The following SKAP1 variants were observed in gnomAD, a reference collection of about 807,000 sequenced individuals.
The protein encoded by SKAP1 is src kinase-associated phosphoprotein 1.
A neutral mutation model predicts 58.5 loss-of-function variants in SKAP1; 44 were observed. That is an observed-to-expected ratio of 0.75 (90% confidence interval 0.59 to 0.97). The LOEUF is 0.97. Among genes scored for constraint, SKAP1 ranks in the 50% least tolerant of loss-of-function variants. The pLI, the probability that SKAP1 is intolerant of heterozygous loss-of-function variation, is 0.00. For missense variants in SKAP1, 390 were observed against 435.2 expected, an observed-to-expected ratio of 0.90 and a Z score of 0.92; for synonymous variants, 127 against 149.7, an observed-to-expected ratio of 0.85 and a Z score of 1.11.
intron 8 of SKAP1, 38 bp from the exon 9 acceptor site, chr17:48,180,286 G>T: frequency 7.0e-7 from 1 of 1,428,590 alleles, no homozygotes; most frequent in East Asian, 2.6e-5. Flanking sequence ...AAGAAACAGA[G>T]AAAAAGAAAA....
chr17:48,207,238 G>T lies in SKAP1; in HGVS notation c.281-17738C>A, dbSNP rs535553833. Among the ~76,000 whole-genome samples, 13 of 152,026 alleles carry T rather than the reference G, an allele frequency of 8.6e-5. No individual in the cohort carries two copies. The East Asian group carries it at 2.3e-3, about 27-fold the overall frequency. ...GGTGACTCACGCCTGTAATCCCAGC[G>T]CTTTGGAGGCCGAGGCAGGCAGATC... On this transcript the variant is annotated intron_variant, in intron 4 of 12. Transcript: ENST00000336915.
At chr17:48,141,404 C>G (rs529825918) in intron 11 of SKAP1, among the ~76,000 whole-genome samples, 1 of 101,546 alleles carries the variant, frequency 9.8e-6, no homozygotes, top group South Asian at 2.9e-4. Flanking sequence ...TTTTTTTGAG[C>G]CATAGCCCCT....
chr17:48,203,186 C>T (rs1054757996), intron 4 of SKAP1, among the ~76,000 whole-genome samples: 1 of 152,318 alleles, frequency 6.6e-6, no homozygotes, highest in South Asian at 2.1e-4. Flanking sequence ...ATAAAACACT[C>T]GTCCTTTCCT....
At chr17:48,372,067 G>A (rs2067094609) in intron 2 of SKAP1, among the ~76,000 whole-genome samples, 2 of 151,984 alleles carry the variant, frequency 1.3e-5, no homozygotes, top group African/African-American at 2.4e-5. Flanking sequence ...TGCCTCCTGG[G>A]TTCACGCGAT....
chr17:48,221,098 C>T (rs528562896), intron 4 of SKAP1, among the ~76,000 whole-genome samples: 204 of 151,946 alleles, frequency 1.3e-3, no homozygotes, highest in African/African-American at 4.8e-3. Flanking sequence ...GAAACCGCGT[C>T]TCTACTAAAA....
intron 11 of SKAP1, among the ~76,000 whole-genome samples, chr17:48,150,447 A>G (rs753274439): frequency 2.0e-5 from 3 of 152,200 alleles, no homozygotes; most frequent in African/African-American, 7.2e-5. Flanking sequence ...CTTGGTTACA[A>G]TGTTTCAAAA....
chr17:48,194,191 C>T (rs2064591730), intron 4 of SKAP1, among the ~76,000 whole-genome samples: 1 of 152,154 alleles, frequency 6.6e-6, no homozygotes, highest in Non-Finnish European at 1.5e-5. Flanking sequence ...ATAAGATCAA[C>T]AGAGAAGTAT....
At chr17:48,313,716 C>T (rs12452212) in intron 4 of SKAP1, among the ~76,000 whole-genome samples, 50,729 of 151,998 alleles carry the variant, frequency 0.33, 9,161 homozygotes, top group African/African-American at 0.47. Flanking sequence ...TCTGACTTCT[C>T]AGCATCAATC....
chr17:48,277,660 A>C (rs1428355658), intron 4 of SKAP1, among the ~76,000 whole-genome samples: 1 of 152,208 alleles, frequency 6.6e-6, no homozygotes, highest in Non-Finnish European at 1.5e-5. Flanking sequence ...TGAAAATAAA[A>C]AGGTGTTTAA....
At chr17:48,215,170 A>G (rs2064923992) in intron 4 of SKAP1, among the ~76,000 whole-genome samples, 1 of 152,088 alleles carries the variant, frequency 6.6e-6, no homozygotes, top group Non-Finnish European at 1.5e-5. Flanking sequence ...TTATATCATA[A>G]TGAAATAGTC....
chr17:48,191,691 C>CT (rs2143542160), intron 4 of SKAP1, among the ~76,000 whole-genome samples: 1 of 152,248 alleles, frequency 6.6e-6, no homozygotes, highest in South Asian at 2.1e-4. Flanking sequence ...AGAAGAGCCT[C>CT]TTTTTCTGTT....
the SKAP1 span, among the ~76,000 whole-genome samples, chr17:48,435,944 T>A: frequency 2.6e-5 from 4 of 152,264 alleles, no homozygotes; most frequent in Admixed American, 2.6e-4. Context: ...AATAGCTGAT[T>A]ATTTCGATGT....
At chr17:48,239,140 G>A (rs534286842) in intron 4 of SKAP1, among the ~76,000 whole-genome samples, 1 of 152,264 alleles carries the variant, frequency 6.6e-6, no homozygotes, top group South Asian at 2.1e-4. Flanking sequence ...CACTTGGGGT[G>A]ACCACAGCTT....
chr17:48,393,542 TAG>T (rs1380010860), intron 2 of SKAP1, among the ~76,000 whole-genome samples: 2 of 152,164 alleles, frequency 1.3e-5, no homozygotes, highest in African/African-American at 4.8e-5. Flanking sequence ...ATAGCTGTGA[TAG>T]AGTCAGATGC....
chr17:48,320,085 C>T (rs2066341235), intron 4 of SKAP1, among the ~76,000 whole-genome samples: 1 of 151,710 alleles, frequency 6.6e-6, no homozygotes, highest in Admixed American at 6.6e-5. Context: ...CAAAGGCATG[C>T]AAGATAACCC....
intron 4 of SKAP1, among the ~76,000 whole-genome samples, chr17:48,280,057 G>A (rs1233390257): frequency 6.6e-6 from 1 of 152,110 alleles, no homozygotes; most frequent in East Asian, 1.9e-4. Flanking sequence ...AAAGAAAAAT[G>A]ATCTAAAGCA....
chr17:48,362,775 T>C (rs1178974017), intron 3 of SKAP1, among the ~76,000 whole-genome samples: 1 of 152,190 alleles, frequency 6.6e-6, no homozygotes, highest in Admixed American at 6.5e-5. Context: ...AAAATTTTAA[T>C]AAAACTTATA....
Position 48,430,153 on chromosome 17 carries a change from C to T in SKAP1, c.-33G>A, listed in dbSNP as rs749887253. 8.2e-7 allele frequency: 1 copy of T among 1,213,998 alleles called. No individual in the cohort carries two copies. Among genetic ancestry groups the T allele is most frequent in the Non-Finnish European group, 1.0e-6 (1 of 967,034 alleles). The allele number at this position is 1,213,998 out of a possible 1,614,324, so 75.2% of individuals were successfully genotyped here. A position where few individuals can be genotyped will look rare whatever the true frequency, so the allele number is the denominator to read the frequency against. ...GGCGGGAGAGAGGCGGGACGGGGCGCGGGCCCTGGTCGGGAGGCGGACGGG... is the reference window on the plus strand; with the variant it reads ...GGCGGGAGAGAGGCGGGACGGGGCGTGGGCCCTGGTCGGGAGGCGGACGGG... On this transcript the variant is annotated 5_prime_UTR_variant, in exon 1 of 13. Transcript: ENST00000336915.
At chr17:48,424,501 AGGCGTGAGCCACCGCGCCC>A (rs1418681708) in intron 1 of SKAP1, among the ~76,000 whole-genome samples, 1 of 151,444 alleles carries the variant, frequency 6.6e-6, no homozygotes. Flanking sequence ...CTGGGATTAC[AGGCGTGAGCCACCGCGCCC>A]GGCCCTCTGG....
Sources: gnomAD v4.1 joint callset for allele counts (sites outside exome capture counted in the v4.1 genomes callset) on GRCh38, gnomAD v4.1.1 for gene constraint, MANE v1.5 for transcripts, NCBI Gene and HGNC (gene_info 2026-07-23, HGNC 2026-07-21) for gene names.